KCNQ5: variants seen among roughly 807,000 people sequenced by gnomAD.
KCNQ5 encodes the protein potassium voltage-gated channel subfamily Q member 5, also known as potassium voltage-gated channel subfamily KQT member 5.
In KCNQ5, 30 loss-of-function variants were observed where a neutral mutation model predicts 98.2. The ratio of observed to expected loss-of-function variants is 0.31; its 90% confidence interval spans 0.23 to 0.41. The LOEUF is 0.41. Among genes scored for constraint, KCNQ5 ranks in the 10% least tolerant of loss-of-function variants. The pLI, the probability that KCNQ5 is intolerant of heterozygous loss-of-function variation, is 1.00. For synonymous variants in KCNQ5, 458 were observed against 449.4 expected (o/e 1.02, Z -0.24); for missense variants, 835 against 1,182.5 (o/e 0.71, Z 4.31).
intron 1 of KCNQ5, among the ~76,000 whole-genome samples, chr6:72,630,955 T>G (rs947174050): frequency 7.2e-5 from 11 of 152,202 alleles, no homozygotes; most frequent in Admixed American, 2.6e-4. Context: ...AGGATAAATT[T>G]TAAAACTGTT....
At position 73,194,882 on chromosome 6, in the gene KCNQ5, C is replaced by A; in HGVS notation, c.2267C>A (p.Ala756Asp). 1 of 1,614,198 alleles carries A rather than the reference C, an allele frequency of 6.2e-7. No individual in the cohort carries two copies. The highest frequency in any genetic ancestry group is 8.5e-7 in the Non-Finnish European group (1 of 1,180,040). ...TTACAGATCCCACCTCCTCTCCCAG[C>A]CATCAAGCATCTGCCCAGGCCAGAA... is the stretch of plus-strand genomic sequence containing the variant. ...TTLQIPPPLP[A>D]IKHLPRPETL... The change falls in exon 14 of 14, where the codon GCC (alanine) becomes GAC (aspartate). Residue 756 changes from alanine to aspartate, a missense_variant. Ala to Asp is a moderately radical substitution (Grantham distance 126). Coordinates refer to ENST00000370398, the MANE Select transcript of KCNQ5 (RefSeq NM_019842.4).
At chr6:73,164,168 TA>T (rs1469543535) in intron 10 of KCNQ5, among the ~76,000 whole-genome samples, 1 of 152,212 alleles carries the variant, frequency 6.6e-6, no homozygotes, top group African/African-American at 2.4e-5. Flanking sequence ...TCATTTTCAT[TA>T]TATGTGATTT....
At chr6:73,193,107 G>A (rs1258612284) in intron 13 of KCNQ5, among the ~76,000 whole-genome samples, 4 of 144,508 alleles carry the variant, frequency 2.8e-5, no homozygotes, top group African/African-American at 7.7e-5. Context: ...TGCAACCTCC[G>A]CCTCCTGGGT....
chr6:72,639,064 G>C (rs1052625961), intron 1 of KCNQ5, among the ~76,000 whole-genome samples: 2 of 152,200 alleles, frequency 1.3e-5, no homozygotes, highest in Non-Finnish European at 2.9e-5. Flanking sequence ...CATGTGGCCT[G>C]TTTGGGCTTT....
At position 73,066,792 on chromosome 6, in the gene KCNQ5, C is replaced by T. The variant is rs536114921; in HGVS notation, c.617-10530C>T. Among the ~76,000 whole-genome samples, 6 of 152,040 alleles carry T rather than the reference C, an allele frequency of 3.9e-5. No homozygotes were observed. In the South Asian group the frequency reaches 1.2e-3, roughly 32 times the overall value. ...GTTCAATGTTCTTTATGCTTCCATGCTTTACATCTCTGTTTCTTTTGAAAG... is the reference window on the plus strand; with the variant it reads ...GTTCAATGTTCTTTATGCTTCCATGTTTTACATCTCTGTTTCTTTTGAAAG... On this transcript the variant is annotated intron_variant, in intron 3 of 13. Coordinates refer to ENST00000370398, the MANE Select transcript of KCNQ5 (RefSeq NM_019842.4).
At chr6:72,703,295 C>T (rs1768918545) in intron 1 of KCNQ5, among the ~76,000 whole-genome samples, 2 of 152,234 alleles carry the variant, frequency 1.3e-5, no homozygotes, top group Non-Finnish European at 1.5e-5. Context: ...TTTCCTCTTA[C>T]TCTAACTTCT....
intron 1 of KCNQ5, among the ~76,000 whole-genome samples, chr6:72,928,788 G>A (rs2882327): frequency 5.9e-5 from 9 of 152,042 alleles, no homozygotes; most frequent in Non-Finnish European, 1.0e-4. Flanking sequence ...TTAGACATTA[G>A]AATAAATGCT....
At chr6:72,732,981 A>G (rs1158997211) in intron 1 of KCNQ5, among the ~76,000 whole-genome samples, 1 of 152,180 alleles carries the variant, frequency 6.6e-6, no homozygotes, top group Admixed American at 6.5e-5. Context: ...TACTCTTCAT[A>G]AAGAAGTGAA....
intron 1 of KCNQ5, among the ~76,000 whole-genome samples, chr6:72,820,232 G>C (rs916358203): frequency 2.0e-5 from 3 of 152,312 alleles, no homozygotes; most frequent in Admixed American, 6.5e-5. Context: ...CCAATTTGAA[G>C]TCCAAAATAC....
At chr6:72,826,499 C>T (rs754976719) in intron 1 of KCNQ5, among the ~76,000 whole-genome samples, 1 of 152,016 alleles carries the variant, frequency 6.6e-6, no homozygotes, top group Non-Finnish European at 1.5e-5. Flanking sequence ...TGGCTACCTG[C>T]TTAAATATAT....
chr6:72,915,372 T>G (rs192562086), intron 1 of KCNQ5, among the ~76,000 whole-genome samples: 38 of 152,226 alleles, frequency 2.5e-4, no homozygotes, highest in Admixed American at 1.6e-3. Flanking sequence ...CTCTTATTTT[T>G]AAAAGCTTAA....
chr6:72,727,885 G>C (rs1162721182), intron 1 of KCNQ5, among the ~76,000 whole-genome samples: 3 of 152,126 alleles, frequency 2.0e-5, no homozygotes, highest in Non-Finnish European at 4.4e-5. Context: ...ATGGCCTTAA[G>C]TTGCAGGTTG....
intron 1 of KCNQ5, among the ~76,000 whole-genome samples, chr6:72,777,006 A>G (rs1340646704): frequency 2.0e-5 from 3 of 152,156 alleles, no homozygotes; most frequent in Non-Finnish European, 4.4e-5. Context: ...AGATCACATA[A>G]GCCAGAGGTA....
chr6:73,124,962 TATATATATATATATATATACAC>T (rs1467787338), intron 9 of KCNQ5, among the ~76,000 whole-genome samples: 170 of 13,228 alleles, frequency 0.013, 3 homozygotes, highest in African/African-American at 0.053. Flanking sequence ...TATATATATA[TATATATATATATATATATACAC>T]ACACACACAT....
At chr6:72,825,916 G>A (rs1305304515) in intron 1 of KCNQ5, among the ~76,000 whole-genome samples, 1 of 152,076 alleles carries the variant, frequency 6.6e-6, no homozygotes, top group Non-Finnish European at 1.5e-5. Flanking sequence ...ATTAAATATA[G>A]GAAGGATATT....
chr6:73,112,226 G>A (rs375132723), intron 7 of KCNQ5, among the ~76,000 whole-genome samples: 3 of 152,122 alleles, frequency 2.0e-5, no homozygotes, highest in African/African-American at 7.2e-5. Context: ...GGAAGCTACC[G>A]AATTTCTAAA....
At chr6:73,102,278 T>G (rs9360638) in intron 5 of KCNQ5, among the ~76,000 whole-genome samples, 145,693 of 152,256 alleles carry the variant, frequency 0.96, 69,703 homozygotes, top group South Asian at 0.98. Context: ...TTAAATCTAA[T>G]ACCTCAATCT....
intron 1 of KCNQ5, among the ~76,000 whole-genome samples, chr6:72,680,543 C>G (rs1767655194): frequency 1.3e-5 from 2 of 152,220 alleles, no homozygotes; most frequent in South Asian, 4.1e-4. Context: ...CTTGCCTTCT[C>G]TCTCAAATTA....
intron 10 of KCNQ5, among the ~76,000 whole-genome samples, chr6:73,153,758 G>A (rs1777242816): frequency 6.6e-6 from 1 of 151,808 alleles, no homozygotes; most frequent in African/African-American, 2.4e-5. Flanking sequence ...TCTGTTTTGA[G>A]TACTAAGATT....
Sources: gnomAD v4.1 joint callset for allele counts (sites outside exome capture counted in the v4.1 genomes callset) on GRCh38, gnomAD v4.1.1 for gene constraint, MANE v1.5 for transcripts, NCBI Gene and HGNC (gene_info 2026-07-23, HGNC 2026-07-21) for gene names.